HPRT1: variants seen among roughly 807,000 people sequenced by gnomAD.
HPRT1 encodes hypoxanthine-guanine phosphoribosyltransferase.
In HPRT1, 4 loss-of-function variants were observed where a neutral mutation model predicts 19.0. That is an observed-to-expected ratio of 0.21 (90% CI 0.10 to 0.48). The LOEUF (loss-of-function observed/expected upper bound fraction) is 0.48. Among genes scored for constraint, HPRT1 ranks in the 20% least tolerant of loss-of-function variants. The pLI, the probability that HPRT1 is intolerant of heterozygous loss-of-function variation, is 0.98. For synonymous variants in HPRT1, 53 were observed against 54.9 expected (o/e 0.97, Z 0.15); for missense variants, 65 against 164.0 (o/e 0.40, Z 3.30).
intron 1 of HPRT1, among the ~76,000 whole-genome samples, chrX:134,461,980 C>CT (rs1556025015): frequency 9.1e-6 from 1 of 110,368 alleles, no homozygotes; most frequent in African/African-American, 3.3e-5. Context: ...CTGCCAATTT[C>CT]TTTTTTTTGA....
intron 3 of HPRT1, among the ~76,000 whole-genome samples, chrX:134,477,697 A>G (rs112745069): frequency 1.0e-3 from 117 of 111,609 alleles, no homozygotes; most frequent in African/African-American, 3.7e-3. Context: ...TTTTAAAGAC[A>G]AGGTCTCATT....
chrX:134,497,293 C>T (rs2077683362), intron 6 of HPRT1, among the ~76,000 whole-genome samples: 1 of 110,830 alleles, frequency 9.0e-6, no homozygotes, highest in Non-Finnish European at 1.9e-5. Flanking sequence ...TACACCACTG[C>T]ACTGCAGCCT....
intron 1 of HPRT1, among the ~76,000 whole-genome samples, chrX:134,466,348 T>C (rs769915397): frequency 9.4e-6 from 1 of 106,210 alleles, no homozygotes; most frequent in Non-Finnish European, 1.9e-5. Context: ...AACCCGGGAG[T>C]TGGAGGTTGC....
intron 6 of HPRT1, among the ~76,000 whole-genome samples, chrX:134,494,725 G>A (rs59479053): frequency 9.0e-6 from 1 of 111,496 alleles, no homozygotes. Flanking sequence ...TGCTCTTTAG[G>A]GTTTTAAATG....
At chrX:134,486,828 A>C (rs901735124) in intron 4 of HPRT1, among the ~76,000 whole-genome samples, 3 of 109,107 alleles carry the variant, frequency 2.7e-5, no homozygotes, top group African/African-American at 1.0e-4. Context: ...TAAAAAAAAA[A>C]AAAAAACAAA....
At chrX:134,460,514 G>A in intron 1 of HPRT1, 176 bp downstream of exon 1, 1 of 292,622 alleles carries the variant, frequency 3.4e-6, no homozygotes, top group Non-Finnish European at 5.7e-6. Flanking sequence ...GCGGCAGGGA[G>A]GACGGAATGG....
intron 2 of HPRT1, 130 bp downstream of exon 2, chrX:134,473,595 A>C: frequency 2.2e-6 from 1 of 462,783 alleles, no homozygotes; most frequent in Admixed American, 3.6e-5. Flanking sequence ...GCTTTCTAAA[A>C]TCTTCTTTAT....
At chrX:134,461,646 G>A (rs2077584516) in intron 1 of HPRT1, among the ~76,000 whole-genome samples, 1 of 111,642 alleles carries the variant, frequency 9.0e-6, no homozygotes, top group African/African-American at 3.3e-5. Flanking sequence ...CCCTGGCGGG[G>A]AACAGTAATA....
At chrX:134,474,291 G>A (rs895889544) in intron 2 of HPRT1, among the ~76,000 whole-genome samples, 12 of 111,830 alleles carry the variant, frequency 1.1e-4, no homozygotes, top group Admixed American at 1.9e-4. Context: ...CTTTATTCAA[G>A]TGGAATTTCT....
intron 3 of HPRT1, among the ~76,000 whole-genome samples, chrX:134,478,393 A>G (rs72615438): frequency 0.13 from 14,669 of 110,302 alleles, 996 homozygotes; most frequent in East Asian, 0.43. Context: ...GAGGTGGGAG[A>G]ATCACTTGAG....
intron 3 of HPRT1, among the ~76,000 whole-genome samples, chrX:134,483,567 G>A (rs1219194529): frequency 9.0e-6 from 1 of 111,083 alleles, no homozygotes; most frequent in Non-Finnish European, 1.9e-5. Flanking sequence ...TAGAGGAGAG[G>A]GTAGAGCAAC....
At chrX:134,480,279 T>C (rs191842796) in intron 3 of HPRT1, among the ~76,000 whole-genome samples, 1 of 111,138 alleles carries the variant, frequency 9.0e-6, no homozygotes, top group East Asian at 2.8e-4. Context: ...GAGTCACTCT[T>C]ATTTGGAAAA....
At chrX:134,498,546 C>T in intron 7 of HPRT1, 62 bp from the exon 8 acceptor site, 4 of 985,076 alleles carry the variant, frequency 4.1e-6, no homozygotes, top group Non-Finnish European at 5.8e-6. Flanking sequence ...GGCACATTTG[C>T]CAGTATTAGA....
At chrX:134,472,877 T>G (rs1268062600) in intron 1 of HPRT1, among the ~76,000 whole-genome samples, 1 of 109,936 alleles carries the variant, frequency 9.1e-6, no homozygotes, top group African/African-American at 3.3e-5. Context: ...GCCCAGCCTG[T>G]TTTTTTGTTT....
chrX:134,491,109 G>A (rs760523742), intron 5 of HPRT1, among the ~76,000 whole-genome samples: 2 of 103,608 alleles, frequency 1.9e-5, no homozygotes, highest in Admixed American at 2.2e-4. Flanking sequence ...TCATTATCAC[G>A]CTCAATTTTA....
chrX:134,492,916 C>A (rs6638246), intron 5 of HPRT1, among the ~76,000 whole-genome samples: 165 of 111,828 alleles, frequency 1.5e-3, no homozygotes, highest in Admixed American at 0.01. Context: ...CACAAGTCTC[C>A]AGCCATGATG....
At chrX:134,469,016 C>T (rs948949359) in intron 1 of HPRT1, among the ~76,000 whole-genome samples, 8 of 110,853 alleles carry the variant, frequency 7.2e-5, no homozygotes, top group African/African-American at 2.6e-4. Flanking sequence ...CCTTAGCCTC[C>T]CAAAATGCTG....
chrX:134,481,797 A>T (rs1161444861), intron 3 of HPRT1, among the ~76,000 whole-genome samples: 3 of 111,570 alleles, frequency 2.7e-5, no homozygotes, highest in Non-Finnish European at 5.6e-5. Flanking sequence ...AAGGTGTAGT[A>T]GTCAAGGTTG....
At chrX:134,476,249 A>G (rs2077624976) in intron 3 of HPRT1, among the ~76,000 whole-genome samples, 1 of 111,638 alleles carries the variant, frequency 9.0e-6, no homozygotes, top group Non-Finnish European at 1.9e-5. Flanking sequence ...TTAGTGACCC[A>G]AGTTTTTGAC....
Sources: gnomAD v4.1 joint callset for allele counts (sites outside exome capture counted in the v4.1 genomes callset) on GRCh38, gnomAD v4.1.1 for gene constraint, MANE v1.5 for transcripts, NCBI Gene and HGNC (gene_info 2026-07-23, HGNC 2026-07-21) for gene names.